KIAA0930: variants seen among roughly 807,000 people sequenced by gnomAD.
KIAA0930 encodes the protein KIAA0930.
A neutral mutation model predicts 43.9 loss-of-function variants in KIAA0930; 24 were observed. That is an observed-to-expected ratio of 0.55 (90% CI 0.40 to 0.77). The LOEUF (loss-of-function observed/expected upper bound fraction) is 0.77, where lower values mean the gene tolerates loss of function less well. KIAA0930 is among the 30% of genes least tolerant of loss of function. KIAA0930 has a pLI of 0.00. For synonymous variants in KIAA0930, 259 were observed against 216.4 expected (o/e 1.20, Z -1.73); for missense variants, 461 against 574.2 (o/e 0.80, Z 2.02).
At chr22:45,211,466 G>A (rs1306594292) in intron 2 of KIAA0930, 4 of 401,152 alleles carry the variant, frequency 1.0e-5, no homozygotes, top group South Asian at 2.5e-4. Flanking sequence ...ACCCTGTCGA[G>A]TTGTTGGGAC....
At chr22:45,238,963 G>A (rs1031788704) in intron 1 of KIAA0930, among the ~76,000 whole-genome samples, 3 of 151,986 alleles carry the variant, frequency 2.0e-5, no homozygotes, top group Non-Finnish European at 4.4e-5. Context: ...AGTCAGCATT[G>A]TGTCAGGATT....
chr22:45,227,766 G>A (rs1203906493), intron 1 of KIAA0930, among the ~76,000 whole-genome samples: 3 of 152,210 alleles, frequency 2.0e-5, no homozygotes, highest in African/African-American at 4.8e-5. Flanking sequence ...TGGACGCAGA[G>A]CCTTCTTCTT....
chr22:45,198,963 C>T (rs1293019020), intron 8 of KIAA0930, among the ~76,000 whole-genome samples: 3 of 152,212 alleles, frequency 2.0e-5, no homozygotes, highest in Non-Finnish European at 2.9e-5. Context: ...TCCTTCACTT[C>T]CATACACTCA....
At chr22:45,207,082 C>T (rs1239133658) in intron 2 of KIAA0930, among the ~76,000 whole-genome samples, 1 of 151,884 alleles carries the variant, frequency 6.6e-6, no homozygotes, top group Non-Finnish European at 1.5e-5. Flanking sequence ...TCTTGGCTCA[C>T]TGCAACCTCT....
At chr22:45,203,761 G>A (rs557232096) in intron 6 of KIAA0930, 84 bp downstream of exon 6, 15 of 1,498,508 alleles carry the variant, frequency 1.0e-5, no homozygotes, top group Admixed American at 8.3e-5. Flanking sequence ...CAGGCTGGGG[G>A]GCCCCATGGT....
chr22:45,223,352 G>C (rs1288998430), intron 1 of KIAA0930, among the ~76,000 whole-genome samples: 1 of 152,224 alleles, frequency 6.6e-6, no homozygotes, highest in Non-Finnish European at 1.5e-5. Flanking sequence ...AATGCTTGCT[G>C]GAGCCTGCGG....
intron 1 of KIAA0930, among the ~76,000 whole-genome samples, chr22:45,224,926 G>A (rs758115064): frequency 6.6e-6 from 1 of 152,126 alleles, no homozygotes; most frequent in Non-Finnish European, 1.5e-5. Context: ...TTGGTGGGGA[G>A]GGGGCTGAGA....
chr22:45,223,721 CACCAG>C, intron 1 of KIAA0930, among the ~76,000 whole-genome samples: 1 of 150,530 alleles, frequency 6.6e-6, no homozygotes, highest in African/African-American at 2.5e-5. Flanking sequence ...CCAGGAACAG[CACCAG>C]ATGAGCACCC....
intron 1 of KIAA0930, among the ~76,000 whole-genome samples, chr22:45,233,514 G>A (rs531957856): frequency 1.3e-4 from 20 of 152,284 alleles, no homozygotes; most frequent in East Asian, 5.8e-4. Context: ...GCCCAGAGGC[G>A]GGCATCACCT....
chr22:45,225,311 C>T (rs1169129462), intron 1 of KIAA0930, among the ~76,000 whole-genome samples: 1 of 152,136 alleles, frequency 6.6e-6, no homozygotes, highest in Admixed American at 6.5e-5. Context: ...TCTGACGAGG[C>T]ACTTGGGGGA....
rs776988106 is a variant in KIAA0930 at position 45,212,031 on chromosome 22, C to A, written c.141G>T (p.Arg47=). The A allele has an allele frequency of 1.1e-5, 17 of 1,613,718 alleles. No individual in the cohort carries two copies. Among genetic ancestry groups the A allele is most frequent in the Non-Finnish European group, 1.4e-5 (17 of 1,180,042 alleles). The change falls in exon 2 of 10, where the codon CGG becomes CGT. Residue 47 remains arginine, a synonymous_variant. Coordinates refer to ENST00000336156, the MANE Select transcript of KIAA0930 (RefSeq NM_001009880.2). ...GCACATAGAAAAGCATGTCGTCCTG[C>A]CGGGGAGCCCATTTCTCCATGAAGT... ...STYFMEKWAP[R]QDDMLFYVRR...
Position 45,218,333 on chromosome 22 carries a change from A to ATTTT in KIAA0930, c.65-6230_65-6227dup, listed in dbSNP as rs752298111. The stretch of plus-strand genomic sequence containing the variant: ...CCATCACACCCAGCTAATTTTTTTG[A>ATTTT]TTTTTTTTTTTTTTTTTTTTTTTTT... On this transcript the variant is annotated intron_variant, in intron 1 of 9. Transcript: ENST00000336156. Among the ~76,000 whole-genome samples the ATTTT allele has an allele frequency of 2.6e-3, 135 of 51,700 alleles. 9 individuals are homozygous for ATTTT. Among genetic ancestry groups the ATTTT allele is most frequent in the African/African-American group, 3.0e-3 (37 of 12,300 alleles). 33.9% of individuals were successfully genotyped at this position (51,700 alleles called of 152,430 possible).
chr22:45,210,084 G>A (rs572796115), intron 2 of KIAA0930, among the ~76,000 whole-genome samples: 5 of 152,196 alleles, frequency 3.3e-5, no homozygotes, highest in African/African-American at 1.2e-4. Flanking sequence ...CTCTTGACCA[G>A]AGTCGTGACC....
At position 45,200,623 on chromosome 22, in the gene KIAA0930, G is replaced by A. The variant is rs74347686; in HGVS notation, c.853-588C>T. Among the ~76,000 whole-genome samples the A allele has an allele frequency of 4.3e-3, 660 of 152,320 alleles. 5 individuals carry two copies. The highest frequency in any genetic ancestry group is 0.015 in the African/African-American group (638 of 41,580). On this transcript the variant is annotated intron_variant, in intron 7 of 9. Transcript: ENST00000336156. ...CCCTTCACAGGAAATACTGTGCTAAGTAGCTCTATGCCTCTGTCTTCTCCC... is the reference window on the plus strand; with the variant it reads ...CCCTTCACAGGAAATACTGTGCTAAATAGCTCTATGCCTCTGTCTTCTCCC...
Position 45,205,898 on chromosome 22 carries a change from C to A in KIAA0930, c.231G>T (p.Glu77Asp). The change falls in exon 3 of 10, where the codon GAG becomes GAT. Residue 77 changes from glutamate to aspartate, a missense_variant. Transcript: ENST00000336156. ...CCCGCCGGTACACCTCCACCTCCAC[C>A]TCAGGCTCAGCTGCCTGCGAGGCCC... Reference protein sequence around the residue: ...GADGRKAAEPEVEVEVYRRDS... With the variant: ...GADGRKAAEPDVEVEVYRRDS... 6.2e-7 allele frequency: 1 copy of A among 1,613,490 alleles called. No individual in the cohort carries two copies. Among genetic ancestry groups the A allele is most frequent in the Non-Finnish European group, 8.5e-7 (1 of 1,180,000 alleles).
intron 2 of KIAA0930, among the ~76,000 whole-genome samples, chr22:45,210,883 G>C (rs1483399270): frequency 1.6e-5 from 2 of 121,496 alleles, no homozygotes; most frequent in Non-Finnish European, 3.5e-5. Context: ...AATCCAATGG[G>C]CCCTTCAGAC....
chr22:45,233,977 A>G (rs1480230265), intron 1 of KIAA0930, among the ~76,000 whole-genome samples: 1 of 152,210 alleles, frequency 6.6e-6, no homozygotes, highest in Non-Finnish European at 1.5e-5. Context: ...AGCTGCAGCT[A>G]TGCACCAGGG....
intron 1 of KIAA0930, among the ~76,000 whole-genome samples, chr22:45,229,612 G>A (rs944084366): frequency 6.6e-6 from 1 of 152,178 alleles, no homozygotes; most frequent in Non-Finnish European, 1.5e-5. Flanking sequence ...GCCACAGAAG[G>A]GCCCTAGAGC....
At chr22:45,222,607 C>G (rs1352043718) in intron 1 of KIAA0930, among the ~76,000 whole-genome samples, 1 of 150,400 alleles carries the variant, frequency 6.6e-6, no homozygotes, top group African/African-American at 2.5e-5. Flanking sequence ...CTGGGCCTGG[C>G]CAAAAATTAA....
Sources: allele counts gnomAD v4.1 joint callset (sites outside exome capture counted in the v4.1 genomes callset), GRCh38; gene constraint gnomAD v4.1.1; transcripts MANE v1.5; gene names NCBI Gene and HGNC (gene_info 2026-07-23, HGNC 2026-07-21).